FGF14: variants seen among roughly 807,000 people sequenced by gnomAD.
FGF14 encodes the protein fibroblast growth factor homologous factor 4.
A neutral mutation model predicts 25.5 loss-of-function variants in FGF14; 5 were observed. The observed-to-expected ratio is 0.20, with a 90% CI of 0.10 to 0.41. The LOEUF is 0.41. Among genes scored for constraint, FGF14 ranks in the 10% least tolerant of loss-of-function variants. The probability of loss-of-function intolerance (pLI) is 1.00; values close to 1 mark genes in which losing one functional copy is unlikely to be tolerated. For synonymous variants in FGF14, 138 were observed against 118.3 expected, an observed-to-expected ratio of 1.17 and a Z score of -1.08; for missense variants, 222 against 320.1, an observed-to-expected ratio of 0.69 and a Z score of 2.34.
At chr13:101,798,445 G>T (rs2040683148) in intron 3 of FGF14, among the ~76,000 whole-genome samples, 1 of 152,066 alleles carries the variant, frequency 6.6e-6, no homozygotes. Flanking sequence ...CAATTATGTT[G>T]ATCATAAACA....
chr13:101,862,848 A>G (rs949018625), intron 3 of FGF14, among the ~76,000 whole-genome samples: 2 of 152,188 alleles, frequency 1.3e-5, no homozygotes, highest in Non-Finnish European at 2.9e-5. Flanking sequence ...AAGAAGTCAC[A>G]GAAAAGCTTG....
intron 3 of FGF14, among the ~76,000 whole-genome samples, chr13:101,781,903 A>G (rs977728593): frequency 3.3e-5 from 5 of 152,244 alleles, no homozygotes; most frequent in Non-Finnish European, 5.9e-5. Context: ...CAGCAATTGA[A>G]TCAATAAAGC....
chr13:102,069,986 G>T (rs1398222054), intron 1 of FGF14, among the ~76,000 whole-genome samples: 2 of 152,146 alleles, frequency 1.3e-5, no homozygotes, highest in Non-Finnish European at 2.9e-5. Flanking sequence ...GATTTCTTGA[G>T]CAATACCTTA....
intron 1 of FGF14, among the ~76,000 whole-genome samples, chr13:102,167,774 T>C (rs1360005560): frequency 1.3e-5 from 2 of 149,720 alleles, no homozygotes; most frequent in African/African-American, 4.9e-5. Flanking sequence ...ATTAAGATAT[T>C]AGAAACTGGC....
Position 101,910,435 on chromosome 13 carries a change from G to A in FGF14, c.193+6018C>T, listed in dbSNP as rs557458155. On this transcript the variant is annotated intron_variant, in intron 1 of 4. Transcript: ENST00000376143. ...AGTGTTAGCTGTATGCCAGGCACTG[G>A]TGAGACAATGACTTTGAAGTGGCCC... Among the ~76,000 whole-genome samples, 3 of 152,216 alleles carry A rather than the reference G, an allele frequency of 2.0e-5. No homozygotes were observed. The East Asian group carries it at 5.8e-4, about 29-fold the overall frequency.
At chr13:102,314,065 C>A (rs1269484661) in intron 1 of FGF14, among the ~76,000 whole-genome samples, 3 of 151,670 alleles carry the variant, frequency 2.0e-5, no homozygotes, top group African/African-American at 7.3e-5. Context: ...CTTCAGGGGC[C>A]ACGCAAGCCA....
chr13:101,869,213 C>T (rs2044901975), intron 2 of FGF14, among the ~76,000 whole-genome samples: 1 of 152,164 alleles, frequency 6.6e-6, no homozygotes. Context: ...TCTGACCCTT[C>T]GCACAGAAGG....
intron 1 of FGF14, among the ~76,000 whole-genome samples, chr13:101,892,711 T>C (rs1487401101): frequency 6.6e-6 from 1 of 152,200 alleles, no homozygotes; most frequent in East Asian, 1.9e-4. Context: ...TGGGGTTCAG[T>C]TGCCAATTAG....
At chr13:102,273,614 T>C (rs1043028815) in intron 1 of FGF14, among the ~76,000 whole-genome samples, 35 of 152,184 alleles carry the variant, frequency 2.3e-4, no homozygotes, top group Non-Finnish European at 1.5e-5. Flanking sequence ...ACCTGAAATG[T>C]CATAAGCAGA....
chr13:101,714,542 A>G lies in FGF14; in HGVS notation c.*8289T>C, dbSNP rs776341448. On this transcript the variant is annotated 3_prime_UTR_variant, in exon 5 of 5. Transcript: ENST00000376143. Reference sequence around the variant, plus strand: ...AGACTGCGACAAACATGATGGTCTCATTTGTACAGGTGCAGTATTAACCTT... The same window carrying G: ...AGACTGCGACAAACATGATGGTCTCGTTTGTACAGGTGCAGTATTAACCTT... 4 of 1,587,656 alleles carry G rather than the reference A, an allele frequency of 2.5e-6. No individual in the cohort carries two copies. The South Asian group carries it at 4.4e-5, about 18-fold the overall frequency.
At chr13:101,935,096 T>C (rs1370536814) in intron 1 of FGF14, among the ~76,000 whole-genome samples, 1 of 152,164 alleles carries the variant, frequency 6.6e-6, no homozygotes, top group African/African-American at 2.4e-5. Flanking sequence ...GAAAGAAAAG[T>C]AGGGCAATTA....
At chr13:102,354,802 T>C (rs1024885293) in intron 1 of FGF14, among the ~76,000 whole-genome samples, 3 of 152,220 alleles carry the variant, frequency 2.0e-5, no homozygotes, top group African/African-American at 7.2e-5. Flanking sequence ...CTTTATATAA[T>C]GTGTTAAATA....
chr13:101,978,543 G>C (rs2038065715), intron 1 of FGF14, among the ~76,000 whole-genome samples: 1 of 152,142 alleles, frequency 6.6e-6, no homozygotes. Flanking sequence ...TTGTTGTGGT[G>C]AAAACAAAGA....
intron 1 of FGF14, among the ~76,000 whole-genome samples, chr13:102,287,583 A>G (rs2054169651): frequency 6.6e-6 from 1 of 152,204 alleles, no homozygotes; most frequent in East Asian, 1.9e-4. Context: ...ATATCTCCAC[A>G]ATGAGAAAAT....
chr13:102,123,163 C>A (rs562783830), intron 1 of FGF14, among the ~76,000 whole-genome samples: 8 of 151,992 alleles, frequency 5.3e-5, no homozygotes, highest in Admixed American at 6.6e-5. Flanking sequence ...AGTTGGTATA[C>A]CAAAACCAAA....
chr13:102,206,451 C>A (rs1004457647), intron 1 of FGF14, among the ~76,000 whole-genome samples: 1 of 151,970 alleles, frequency 6.6e-6, no homozygotes, highest in African/African-American at 2.4e-5. Context: ...GAGGCTGAGG[C>A]GGGCAGATCA....
intron 1 of FGF14, among the ~76,000 whole-genome samples, chr13:102,133,484 ATAG>A (rs1369895341): frequency 6.6e-6 from 1 of 152,246 alleles, no homozygotes; most frequent in Admixed American, 6.5e-5. Flanking sequence ...TATATGTATC[ATAG>A]AAGACTAAAT....
At chr13:101,925,829 C>T (rs1454453304) in intron 1 of FGF14, among the ~76,000 whole-genome samples, 2 of 152,316 alleles carry the variant, frequency 1.3e-5, no homozygotes, top group South Asian at 2.1e-4. Flanking sequence ...ATCAATCTCA[C>T]TGGATTTAAG....
At chr13:102,356,270 C>T (rs1273328715) in intron 1 of FGF14, among the ~76,000 whole-genome samples, 2 of 152,180 alleles carry the variant, frequency 1.3e-5, no homozygotes, top group African/African-American at 4.8e-5. Context: ...TTCTTTGCTC[C>T]TTACTAAGAG....
Sources: allele counts gnomAD v4.1 joint callset (sites outside exome capture counted in the v4.1 genomes callset), GRCh38; gene constraint gnomAD v4.1.1; transcripts MANE v1.5; gene names NCBI Gene and HGNC (gene_info 2026-07-23, HGNC 2026-07-21).